LRRC52: variants seen among roughly 807,000 people sequenced by gnomAD.
LRRC52 encodes the protein leucine rich repeat containing 52.
In LRRC52, 15 loss-of-function variants were observed where a neutral mutation model predicts 14.7. The observed-to-expected ratio is 1.02, with a 90% CI of 0.68 to 1.58. The LOEUF (loss-of-function observed/expected upper bound fraction) is 1.58. Ranked by LOEUF, LRRC52 falls within the 40% of genes most tolerant of loss-of-function variation. LRRC52 has a pLI of 0.00. For synonymous variants in LRRC52, 180 were observed against 163.9 expected, an observed-to-expected ratio of 1.10 and a Z score of -0.75; for missense variants, 400 against 387.7, an observed-to-expected ratio of 1.03 and a Z score of -0.27.
At position 165,544,546 on chromosome 1, in the gene LRRC52, T is replaced by C; in HGVS notation, c.250T>C (p.Cys84Arg). 3 of 1,614,168 alleles carry C rather than the reference T, an allele frequency of 1.9e-6. No individual in the cohort carries two copies. The highest frequency in any genetic ancestry group is 2.5e-6 in the Non-Finnish European group (3 of 1,180,032). Residue 84 changes from cysteine (C) to arginine (R), a missense_variant, in exon 1 of 2, where the codon TGT becomes CGT. By Grantham distance (180) the Cys-to-Arg change is radical. Transcript: ENST00000294818. Reference sequence around the variant, plus strand: ...CCTCAGTGACCTTGTTTATTTGGACTGTCAGAACAACCGGATTCGAGAGGT... The same window carrying C: ...CCTCAGTGACCTTGTTTATTTGGACCGTCAGAACAACCGGATTCGAGAGGT... The part of the protein sequence containing the change: ...GLLSDLVYLD[C>R]QNNRIREVMD...
chr1:165,563,867 G>GCTTTCTCT lies in LRRC52; in HGVS notation c.*47_*54dup. 1 of 1,578,664 alleles carries GCTTTCTCT rather than the reference G, an allele frequency of 6.3e-7. No individual in the cohort carries two copies. Among genetic ancestry groups the GCTTTCTCT allele is most frequent in the Non-Finnish European group, 8.6e-7 (1 of 1,157,130 alleles). On this transcript the variant is annotated 3_prime_UTR_variant, in exon 2 of 2. Coordinates refer to ENST00000294818, the MANE Select transcript of LRRC52 (RefSeq NM_001005214.4). ...CTTATGTGCCTCCCCCAGGCTCCCTGCTTTCTCTCTTGCCCTCCCCATCCC... is the reference window on the plus strand; with the variant it reads ...CTTATGTGCCTCCCCCAGGCTCCCTGCTTTCTCTCTTTCTCTCTTGCCCTCCCCATCCC...
chr1:165,555,776 G>C (rs1661221735), intron 1 of LRRC52, among the ~76,000 whole-genome samples: 1 of 152,324 alleles, frequency 6.6e-6, no homozygotes, highest in South Asian at 2.1e-4. Context: ...AACAATTTCT[G>C]CCTGATGTTT....
intron 1 of LRRC52, among the ~76,000 whole-genome samples, chr1:165,561,273 G>C (rs922224498): frequency 6.6e-6 from 1 of 152,174 alleles, no homozygotes; most frequent in African/African-American, 2.4e-5. Context: ...GCTGCAATTT[G>C]AAAGCCCAAT....
chr1:165,544,179 T>A lies in LRRC52; in HGVS notation c.-118T>A. ...AATGGAAAATTGCTTTGCACAAAGC[T>A]AAAGTGTTACAGTTCTTTCCAGAGC... On this transcript the variant is annotated 5_prime_UTR_variant, in exon 1 of 2. The change abolishes the stop of an existing upstream ORF in the 5' untranslated region. Coordinates refer to ENST00000294818, the MANE Select transcript of LRRC52 (RefSeq NM_001005214.4). The A allele has an allele frequency of 7.8e-7, 1 of 1,289,718 alleles. No homozygotes were observed. Among genetic ancestry groups the A allele is most frequent in the Non-Finnish European group, 1.1e-6 (1 of 930,752 alleles). 79.9% of individuals were successfully genotyped at this position (1,289,718 alleles called of 1,614,324 possible).
intron 1 of LRRC52, among the ~76,000 whole-genome samples, chr1:165,554,402 C>A (rs1275323997): frequency 6.6e-6 from 1 of 150,784 alleles, no homozygotes; most frequent in African/African-American, 2.4e-5. Context: ...TAATCTGCTG[C>A]ATGACCCATA....
chr1:165,545,983 G>A (rs948705266), intron 1 of LRRC52, among the ~76,000 whole-genome samples: 2 of 152,132 alleles, frequency 1.3e-5, no homozygotes, highest in Admixed American at 6.6e-5. Context: ...AACTCCTGCT[G>A]AAACTTCCAC....
chr1:165,553,085 C>T (rs1012439159), intron 1 of LRRC52, among the ~76,000 whole-genome samples: 1 of 152,138 alleles, frequency 6.6e-6, no homozygotes, highest in African/African-American at 2.4e-5. Flanking sequence ...ATTTGGGGAT[C>T]ATCAACTTAC....
At chr1:165,545,633 C>G (rs1439941519) in intron 1 of LRRC52, among the ~76,000 whole-genome samples, 3 of 151,628 alleles carry the variant, frequency 2.0e-5, no homozygotes. Flanking sequence ...AGATGCTCAG[C>G]TCTTACCTGG....
rs1167963511 is a variant in LRRC52, at chr1:165,544,834, T to C, written c.538T>C (p.Phe180Leu). The change falls in exon 1 of 2, where the codon TTT (phenylalanine) becomes CTT (leucine). Residue 180 changes from phenylalanine (F) to leucine (L), a missense_variant. Coordinates refer to ENST00000294818, the MANE Select transcript of LRRC52 (RefSeq NM_001005214.4). ...LYHLTTLETL[F>L]LSGNPWKCNC... ...CCACCTCACTACTCTGGAGACCCTG[T>C]TTCTGAGTGGAAACCCCTGGAAGTG... is the stretch of plus-strand genomic sequence containing the variant. The C allele has an allele frequency of 6.2e-7, 1 of 1,614,056 alleles. No individual in the cohort carries two copies. Among genetic ancestry groups the C allele is most frequent in the Admixed American group, 1.7e-5 (1 of 60,008 alleles).
Position 165,563,925 on chromosome 1 carries a change from T to G in LRRC52, c.*101T>G. ...TGGAGCTGTCATAGAGATTGAAACC[T>G]TCTAGTAAAATAAATAAAATCTCTG... is the stretch of plus-strand genomic sequence containing the variant. On this transcript the variant is annotated 3_prime_UTR_variant, in exon 2 of 2. Transcript: ENST00000294818. 8.0e-7 allele frequency: 1 copy of G among 1,257,308 alleles called. No homozygotes were observed. Among genetic ancestry groups the G allele is most frequent in the Non-Finnish European group, 1.1e-6 (1 of 900,148 alleles). The allele number at this position is 1,257,308 out of a possible 1,614,324, so 77.9% of individuals were successfully genotyped here.
intron 1 of LRRC52, among the ~76,000 whole-genome samples, chr1:165,549,256 C>G (rs1237328442): frequency 6.6e-6 from 1 of 152,202 alleles, no homozygotes; most frequent in East Asian, 1.9e-4. Context: ...TCACCTGAAC[C>G]TAGAACCAAA....
intron 1 of LRRC52, among the ~76,000 whole-genome samples, chr1:165,559,109 C>G (rs1285002565): frequency 6.6e-6 from 1 of 152,166 alleles, no homozygotes; most frequent in African/African-American, 2.4e-5. Flanking sequence ...AAAGTGAAGG[C>G]CAGGTGTGGT....
intron 1 of LRRC52, 37 bp downstream of exon 1, chr1:165,544,955 T>C (rs1660988870): frequency 6.9e-6 from 11 of 1,599,110 alleles, no homozygotes; most frequent in Middle Eastern, 1.7e-4. Flanking sequence ...GAGGATGTGA[T>C]TGAAGTGGCT....
chr1:165,555,991 C>T lies in LRRC52; in HGVS notation c.623-7514C>T, dbSNP rs114433555. On this transcript the variant is annotated intron_variant, in intron 1 of 1. Transcript: ENST00000294818. The stretch of plus-strand genomic sequence containing the variant: ...CTTCCAAGAAGAACCTGGTCCCAGC[C>T]GCCAGCCCCACCATGCAGCTTGTTC... 9.4e-3 allele frequency among the ~76,000 whole-genome samples: 1,431 copies of T among 152,326 alleles called. 25 individuals carry two copies. Among genetic ancestry groups the T allele is most frequent in the African/African-American group, 0.033 (1,366 of 41,570 alleles).
In LRRC52 at chr1:165,563,596, G is replaced by A. The variant is rs150046093; in HGVS notation, c.714G>A (p.Thr238=). The A allele has an allele frequency of 2.7e-3, 4,399 of 1,614,220 alleles. 9 individuals are homozygous for A. Among genetic ancestry groups the A allele is most frequent in the Non-Finnish European group, 3.3e-3 (3,874 of 1,180,028 alleles). Residue 238 remains threonine, a synonymous_variant, in exon 2 of 2, where the codon ACG becomes ACA. Coordinates refer to ENST00000294818, the MANE Select transcript of LRRC52 (RefSeq NM_001005214.4). ...VGNPLRYMCI[T]HLDHKDYIFL... ...ACCCACTCCGATACATGTGCATCAC[G>A]CACCTGGACCACAAAGACTACATCT... is the stretch of plus-strand genomic sequence containing the variant.
At chr1:165,552,920 A>T (rs1661162694) in intron 1 of LRRC52, among the ~76,000 whole-genome samples, 1 of 152,192 alleles carries the variant, frequency 6.6e-6, no homozygotes, top group Non-Finnish European at 1.5e-5. Context: ...GGCTTTGCTG[A>T]CATAAACACA....
chr1:165,547,598 A>C lies in LRRC52; in HGVS notation c.622+2680A>C, dbSNP rs144592724. ...TACAATCACAAATATGCACACAAAC[A>C]CACATGCAAACACAAATACCTACAC... On this transcript the variant is annotated intron_variant, in intron 1 of 1. Transcript: ENST00000294818. Among the ~76,000 whole-genome samples the C allele has an allele frequency of 1.3e-3, 198 of 152,256 alleles. 4 individuals carry two copies. In the East Asian group the frequency reaches 0.033, roughly 25 times the overall value.
rs751643639 is a variant in LRRC52, at chr1:165,544,830, C to G, written c.534C>G (p.Thr178=). The change falls in exon 1 of 2, where the codon ACC becomes ACG. Residue 178 remains threonine, a synonymous_variant. Transcript: ENST00000294818. ...TATACCACCTCACTACTCTGGAGAC[C>G]CTGTTTCTGAGTGGAAACCCCTGGA... The part of the protein sequence containing the change: ...AALYHLTTLE[T]LFLSGNPWKC... The G allele has an allele frequency of 2.5e-5, 40 of 1,613,912 alleles. No homozygotes were observed. The highest frequency in any genetic ancestry group is 1.5e-4 in the Admixed American group (9 of 59,988).
intron 1 of LRRC52, among the ~76,000 whole-genome samples, chr1:165,559,722 G>A (rs1661305276): frequency 6.6e-6 from 1 of 152,178 alleles, no homozygotes; most frequent in African/African-American, 2.4e-5. Context: ...AGAAGCAAGA[G>A]TTAAGTTTCT....
Sources: allele counts gnomAD v4.1 joint callset (sites outside exome capture counted in the v4.1 genomes callset), GRCh38; gene constraint gnomAD v4.1.1; transcripts MANE v1.5; gene names NCBI Gene and HGNC (gene_info 2026-07-23, HGNC 2026-07-21).